SNORC: variants seen among roughly 807,000 people sequenced by gnomAD.
SNORC encodes the protein protein SNORC.
SNORC carries 11 observed loss-of-function variants against 9.7 expected under a neutral mutation model. The observed-to-expected ratio is 1.14, with a 90% CI of 0.72 to 1.88. The LOEUF (loss-of-function observed/expected upper bound fraction) is 1.88. Ranked by LOEUF, SNORC falls within the 40% of genes most tolerant of loss-of-function variation. The pLI is 0.00. For synonymous variants in SNORC, 108 were observed against 88.7 expected, an observed-to-expected ratio of 1.22 and a Z score of -1.22; for missense variants, 197 against 173.1, an observed-to-expected ratio of 1.14 and a Z score of -0.77.
chr2:232,871,433 G>GA (rs1691020805), intron 1 of SNORC, among the ~76,000 whole-genome samples: 1 of 152,222 alleles, frequency 6.6e-6, no homozygotes, highest in South Asian at 2.1e-4. Flanking sequence ...GTCATCTGTA[G>GA]GATGGTGACA....
intron 1 of SNORC, among the ~76,000 whole-genome samples, chr2:232,870,637 G>A (rs1302926584): frequency 6.6e-6 from 1 of 152,176 alleles, no homozygotes; most frequent in South Asian, 2.1e-4. Context: ...ATGGCCTCTG[G>A]AGAAGGAGGA....
At chr2:232,871,707 G>A (rs1387768698) in intron 1 of SNORC, among the ~76,000 whole-genome samples, 1 of 152,252 alleles carries the variant, frequency 6.6e-6, no homozygotes, top group Non-Finnish European at 1.5e-5. Context: ...TAAAGGGGAA[G>A]GTGGCATCTT....
At chr2:232,872,433 C>T (rs1008746305) in intron 1 of SNORC, among the ~76,000 whole-genome samples, 1 of 152,200 alleles carries the variant, frequency 6.6e-6, no homozygotes, top group Non-Finnish European at 1.5e-5. Context: ...ACTTATTTAC[C>T]AAAAGGCAGG....
At chr2:232,872,809 C>T (rs889048099) in intron 1 of SNORC, among the ~76,000 whole-genome samples, 7 of 151,710 alleles carry the variant, frequency 4.6e-5, no homozygotes, top group African/African-American at 1.7e-4. Context: ...AATTGCCTCT[C>T]AGCTTTGCTT....
At chr2:232,877,284 A>C (rs1691308549), downstream of SNORC, 1 of 984,934 alleles carries the variant, frequency 1.0e-6, no homozygotes, top group South Asian at 4.7e-5. Flanking sequence ...ACCTCACTTC[A>C]CCCTCAGAGA....
chr2:232,867,215 C>T (rs944893155), upstream of SNORC, among the ~76,000 whole-genome samples: 1 of 152,210 alleles, frequency 6.6e-6, no homozygotes, highest in African/African-American at 2.4e-5. Flanking sequence ...GGGGAATCAC[C>T]TGTCTGTCGA....
chr2:232,875,494 G>A (rs1691193085), intron 1 of SNORC: 1 of 431,528 alleles, frequency 2.3e-6, no homozygotes, highest in South Asian at 1.7e-5. Flanking sequence ...TCTGGTTGCC[G>A]GGGATGGATG....
intron 1 of SNORC, 56 bp from the exon 2 acceptor site, chr2:232,875,884 G>GACC: frequency 1.3e-6 from 2 of 1,498,900 alleles, no homozygotes; most frequent in South Asian, 2.5e-5. Flanking sequence ...GGTGGGGGGT[G>GACC]ACGTCCCTGT....
chr2:232,875,042 TGAG>T (rs1691168386), intron 1 of SNORC, among the ~76,000 whole-genome samples: 1 of 152,110 alleles, frequency 6.6e-6, no homozygotes, highest in South Asian at 2.1e-4. Flanking sequence ...CTATCCCAGT[TGAG>T]ATTAGAGCAT....
At chr2:232,875,882 G>C in intron 1 of SNORC, 58 bp from the exon 2 acceptor site, 3 of 1,495,312 alleles carry the variant, frequency 2.0e-6, no homozygotes, top group Non-Finnish European at 1.8e-6. Context: ...GAGGTGGGGG[G>C]TGACGTCCCT....
chr2:232,874,199 C>T (rs1276298644), intron 1 of SNORC, among the ~76,000 whole-genome samples: 1 of 152,224 alleles, frequency 6.6e-6, no homozygotes, highest in Non-Finnish European at 1.5e-5. Flanking sequence ...CCTAGTCTTG[C>T]CAACTGCCAA....
chr2:232,871,391 C>G (rs968528296), intron 1 of SNORC, among the ~76,000 whole-genome samples: 16 of 152,158 alleles, frequency 1.1e-4, no homozygotes, highest in African/African-American at 3.6e-4. Flanking sequence ...CAGTCTTGAC[C>G]GGGCGGTTTC....
chr2:232,871,348 C>T (rs1040620273), intron 1 of SNORC, among the ~76,000 whole-genome samples: 17 of 152,266 alleles, frequency 1.1e-4, no homozygotes, highest in East Asian at 9.7e-4. Context: ...TCTCCCTGGA[C>T]GCCCAGGAAG....
At chr2:232,874,683 C>G (rs1409488140) in intron 1 of SNORC, among the ~76,000 whole-genome samples, 3 of 152,218 alleles carry the variant, frequency 2.0e-5, no homozygotes, top group African/African-American at 7.2e-5. Context: ...ATGAGGAGGG[C>G]AAGTGTCTGG....
chr2:232,875,967 C>A, exon 2 of SNORC: 1 of 1,553,566 alleles, frequency 6.4e-7, no homozygotes, highest in Non-Finnish European at 8.7e-7. Context: ...CCCGTGCCCA[C>A]GCTGTGGAAC....
chr2:232,876,394 C>T lies in SNORC; in HGVS notation c.*38C>T, dbSNP rs1387157102. The T allele has an allele frequency of 4.6e-6, 7 of 1,507,590 alleles. No individual in the cohort carries two copies. Among genetic ancestry groups the T allele is most frequent in the Non-Finnish European group, 6.2e-6 (7 of 1,134,866 alleles). The allele number at this position is 1,507,590 out of a possible 1,614,324, so 93.4% of individuals were successfully genotyped here. ...GGCCGCGCCCGGCCGCGGCGCGACT[C>T]GGCTGCACTCCTCACGCGCCTGTAT... On this transcript the variant is annotated 3_prime_UTR_variant, in exon 3 of 3. Coordinates refer to ENST00000331342, the Ensembl canonical transcript of SNORC. The surrounding 1 kb of genome is among the most constrained non-coding windows in gnomAD (Gnocchi z 6.8).
intron 1 of SNORC, among the ~76,000 whole-genome samples, chr2:232,874,938 A>C (rs2106193659): frequency 6.6e-6 from 1 of 152,328 alleles, no homozygotes; most frequent in Middle Eastern, 3.4e-3. Flanking sequence ...CCCACACCAC[A>C]GAGTAGCTGG....
chr2:232,870,306 G>T (rs1367819338), exon 1 of SNORC: 4 of 1,545,336 alleles, frequency 2.6e-6, no homozygotes, highest in Non-Finnish European at 8.7e-7. Flanking sequence ...AGTCCTCCGT[G>T]CGTCCCGCCC....
chr2:232,870,691 ACATGGGTATTG>A (rs373687686), intron 1 of SNORC, among the ~76,000 whole-genome samples: 1,985 of 151,998 alleles, frequency 0.013, 33 homozygotes, highest in African/African-American at 0.045. Flanking sequence ...GTTGAGGGGG[ACATGGGTATTG>A]CTCTAGCACT....
Sources: gnomAD v4.1 joint callset for allele counts (sites outside exome capture counted in the v4.1 genomes callset) on GRCh38, gnomAD v4.1.1 for gene constraint, Gnocchi (gnomAD v3.1) non-coding constraint, MANE v1.5 for transcripts, NCBI Gene and HGNC (gene_info 2026-07-23, HGNC 2026-07-21) for gene names.